Variants in ROR2 observed in about 807,000 individuals in gnomAD.
The protein encoded by ROR2 is ROR family WNT receptor 2.
In ROR2, 33 loss-of-function variants were observed where a neutral mutation model predicts 74.9. That is an observed-to-expected ratio of 0.44 (90% confidence interval 0.33 to 0.59). The LOEUF is 0.59. ROR2 is among the 20% of genes least tolerant of loss of function. The pLI is 0.02. For synonymous variants in ROR2, 586 were observed against 558.7 expected, an observed-to-expected ratio of 1.05 and a Z score of -0.69; for missense variants, 1,216 against 1,313.8, an observed-to-expected ratio of 0.93 and a Z score of 1.15.
chr9:91,769,889 G>C (rs1240742163), intron 2 of ROR2, among the ~76,000 whole-genome samples: 1 of 152,186 alleles, frequency 6.6e-6, no homozygotes, highest in Non-Finnish European at 1.5e-5. Context: ...CGTTTTCAGA[G>C]ACTCTGAGCG....
rs1407966249 is a variant in ROR2 at position 91,938,155 on chromosome 9, T to G, written c.97+11712A>C. On this transcript the variant is annotated intron_variant, in intron 1 of 8. Transcript: ENST00000375708. ...GGCTGACCCGAGTTAGTCTAATATT[T>G]GGGTATTTTAAGATCTTATTCCAGG... 4.6e-5 allele frequency among the ~76,000 whole-genome samples: 7 copies of G among 152,294 alleles called. No homozygotes were observed. In the East Asian group the frequency reaches 1.2e-3, roughly 25 times the overall value.
At position 91,904,591 on chromosome 9, in the gene ROR2, G is replaced by T. The variant is rs140182114; in HGVS notation, c.97+45276C>A. Among the ~76,000 whole-genome samples, 5 of 152,328 alleles carry T rather than the reference G, an allele frequency of 3.3e-5. No individual in the cohort carries two copies. In the East Asian group the frequency reaches 9.6e-4, roughly 29 times the overall value. ...AAGTGGAATCAGGCTTCAGGCCCAT[G>T]GTGGGGGTGCCTTGGCGCTTGGAGC... On this transcript the variant is annotated intron_variant, in intron 1 of 8. Transcript: ENST00000375708.
At chr9:91,846,049 A>T (rs1300987483) in intron 1 of ROR2, among the ~76,000 whole-genome samples, 1 of 152,100 alleles carries the variant, frequency 6.6e-6, no homozygotes, top group African/African-American at 2.4e-5. Flanking sequence ...ACAGGGAGCC[A>T]CTGGGTGATA....
Position 91,733,448 on chromosome 9 carries a change from G to C in ROR2, c.623-12C>G. On this transcript the variant is annotated splice_polypyrimidine_tract_variant and intron_variant, in intron 5 of 8. Coordinates refer to ENST00000375708, the MANE Select transcript of ROR2 (RefSeq NM_004560.4). The surrounding 1 kb of genome is among the most constrained non-coding windows in gnomAD (Gnocchi z 5.7). ...CATGGTGAAGGCCGCTGCAGAGCCC[G>C]CGAGACTCGCGTTAGCGGGGGACCC... 4 of 1,607,508 alleles carry C rather than the reference G, an allele frequency of 2.5e-6. No individual in the cohort carries two copies. In the South Asian group the frequency reaches 4.4e-5, roughly 18 times the overall value.
At chr9:91,832,435 A>G (rs1483476106) in intron 1 of ROR2, among the ~76,000 whole-genome samples, 1 of 146,516 alleles carries the variant, frequency 6.8e-6, no homozygotes, top group Non-Finnish European at 1.5e-5. Flanking sequence ...TCCACGGTCC[A>G]GCCATCAGTC....
intron 2 of ROR2, among the ~76,000 whole-genome samples, chr9:91,775,450 G>C (rs1435062809): frequency 1.3e-5 from 2 of 152,014 alleles, no homozygotes; most frequent in African/African-American, 4.8e-5. Flanking sequence ...ACATGCAACA[G>C]GAATCCAGCT....
At chr9:91,913,849 G>C (rs977953117) in intron 1 of ROR2, among the ~76,000 whole-genome samples, 2 of 152,208 alleles carry the variant, frequency 1.3e-5, no homozygotes, top group Non-Finnish European at 1.5e-5. Context: ...TGGGGACAGA[G>C]TCTCAGTTTC....
At chr9:91,841,606 G>T (rs1280433298) in intron 1 of ROR2, among the ~76,000 whole-genome samples, 1 of 152,254 alleles carries the variant, frequency 6.6e-6, no homozygotes, top group Non-Finnish European at 1.5e-5. Flanking sequence ...CTGTAAATGT[G>T]TATTTCCATG....
chr9:91,730,891 A>C lies in ROR2; in HGVS notation c.1183+19T>G. 1.2e-6 allele frequency: 2 copies of C among 1,613,742 alleles called. No individual in the cohort carries two copies. The highest frequency in any genetic ancestry group is 1.7e-6 in the Non-Finnish European group (2 of 1,179,834). On this transcript the variant is annotated intron_variant, in intron 7 of 8. Transcript: ENST00000375708. ...ACTCAACAATCAACACATTAAAAAA[A>C]GAGAGAGAGAATACATACTACACGA...
chr9:91,818,743 A>G (rs1048799458), intron 1 of ROR2, among the ~76,000 whole-genome samples: 1 of 152,186 alleles, frequency 6.6e-6, no homozygotes, highest in African/African-American at 2.4e-5. Context: ...CGACTGCCCC[A>G]GCAGTCCTGG....
chr9:91,732,334 C>T (rs1837271561), intron 6 of ROR2, among the ~76,000 whole-genome samples: 1 of 152,176 alleles, frequency 6.6e-6, no homozygotes, highest in South Asian at 2.1e-4. Context: ...CTGGGGCTCA[C>T]AACTTGGGGT....
intron 1 of ROR2, chr9:91,923,564 A>G (rs1345633698): frequency 1.3e-5 from 2 of 152,264 alleles, no homozygotes; most frequent in African/African-American, 4.8e-5. Context: ...GGAAATGTGC[A>G]AAACTCTGAA....
chr9:91,887,976 G>A (rs554284272), intron 1 of ROR2, among the ~76,000 whole-genome samples: 4 of 152,010 alleles, frequency 2.6e-5, no homozygotes, highest in African/African-American at 9.6e-5. Flanking sequence ...ATTTTTAGTA[G>A]AGACGGGGTT....
intron 1 of ROR2, among the ~76,000 whole-genome samples, chr9:91,933,586 T>C (rs1299961207): frequency 6.6e-6 from 1 of 152,214 alleles, no homozygotes; most frequent in East Asian, 1.9e-4. Context: ...TGGCATGTAC[T>C]AATACAGAAA....
chr9:91,802,297 C>T (rs1317416807), intron 1 of ROR2, among the ~76,000 whole-genome samples: 1 of 151,936 alleles, frequency 6.6e-6, no homozygotes, highest in South Asian at 2.1e-4. Context: ...AGGATGGTCT[C>T]GATCTGCTGA....
intron 5 of ROR2, 44 bp downstream of exon 5, chr9:91,737,347 G>A: frequency 6.2e-7 from 1 of 1,613,472 alleles, no homozygotes; most frequent in Non-Finnish European, 8.5e-7. Context: ...ACAGATGGCT[G>A]TGTGCATGCT....
At chr9:91,881,176 A>C in intron 1 of ROR2, among the ~76,000 whole-genome samples, 1 of 152,312 alleles carries the variant, frequency 6.6e-6, no homozygotes, top group Admixed American at 6.5e-5. Flanking sequence ...AATCCTACAT[A>C]TTGAAAACGA....
intron 1 of ROR2, among the ~76,000 whole-genome samples, chr9:91,920,834 C>T (rs900528315): frequency 3.9e-5 from 6 of 152,212 alleles, no homozygotes; most frequent in African/African-American, 1.4e-4. Flanking sequence ...CTGAAGTGAA[C>T]ATAATTTAAT....
intron 1 of ROR2, among the ~76,000 whole-genome samples, chr9:91,863,657 G>A (rs986298537): frequency 3.3e-5 from 5 of 152,112 alleles, no homozygotes; most frequent in Admixed American, 1.3e-4. Flanking sequence ...AGAGACAACA[G>A]ACCACATATT....
Sources: allele counts gnomAD v4.1 joint callset (sites outside exome capture counted in the v4.1 genomes callset), GRCh38; gene constraint gnomAD v4.1.1; non-coding constraint Gnocchi (gnomAD v3.1); transcripts MANE v1.5; gene names NCBI Gene and HGNC (gene_info 2026-07-23, HGNC 2026-07-21).